Variants in ATP13A4 observed in about 807,000 individuals in gnomAD.
ATP13A4 encodes the protein probable cation-transporting ATPase 13A4.
A neutral mutation model predicts 142.5 loss-of-function variants in ATP13A4; 114 were observed. The observed-to-expected ratio is 0.80, with a 90% CI of 0.69 to 0.93. The LOEUF is 0.93. Ranked by LOEUF, ATP13A4 falls within the 40% of genes least tolerant of loss-of-function variation. The pLI is 0.00. For synonymous variants in ATP13A4, 488 were observed against 514.8 expected (o/e 0.95, Z 0.70); for missense variants, 1,392 against 1,454.0 (o/e 0.96, Z 0.69).
chr3:193,467,505 T>G lies in ATP13A4; in HGVS notation c.944-19A>C, dbSNP rs759252917. 6.2e-7 allele frequency: 1 copy of G among 1,611,592 alleles called. No homozygotes were observed. The highest frequency in any genetic ancestry group is 1.3e-5 in the African/African-American group (1 of 74,960). ...CTTTCTCCTACAGAAAACAAGCATC[T>G]TGTTTTGTGAGGCAGGATGGCTTCC... On this transcript the variant is annotated intron_variant, in intron 9 of 29. Coordinates refer to ENST00000342695, the MANE Select transcript of ATP13A4 (RefSeq NM_032279.4).
intron 7 of ATP13A4, among the ~76,000 whole-genome samples, chr3:193,488,273 A>G (rs912073724): frequency 2.6e-5 from 4 of 152,218 alleles, no homozygotes; most frequent in Non-Finnish European, 5.9e-5. Flanking sequence ...TCAAAAATAA[A>G]TAAATAAATA....
chr3:193,572,332 T>C (rs7650397), intron 2 of ATP13A4, among the ~76,000 whole-genome samples: 61,694 of 152,062 alleles, frequency 0.41, 13,981 homozygotes, highest in African/African-American at 0.62. Flanking sequence ...TCTAAAACTA[T>C]TGTAATATAA....
At chr3:193,496,546 T>C (rs914306345) in intron 3 of ATP13A4, among the ~76,000 whole-genome samples, 4 of 152,126 alleles carry the variant, frequency 2.6e-5, no homozygotes, top group African/African-American at 9.7e-5. Flanking sequence ...ATCCCAGCAC[T>C]TTGGGACACT....
intron 1 of ATP13A4, among the ~76,000 whole-genome samples, chr3:193,582,659 T>A (rs1344431594): frequency 3.1e-3 from 116 of 37,460 alleles, no homozygotes; most frequent in African/African-American, 3.9e-3. Flanking sequence ...TTACATACAT[T>A]ATATATGTAT....
At chr3:193,499,063 T>C (rs1337088717) in intron 3 of ATP13A4, among the ~76,000 whole-genome samples, 4 of 152,252 alleles carry the variant, frequency 2.6e-5, no homozygotes, top group African/African-American at 7.2e-5. Context: ...TAGGTGTATG[T>C]ACAGGTACAC....
chr3:193,576,221 C>T (rs1724388903), intron 2 of ATP13A4, among the ~76,000 whole-genome samples: 1 of 144,916 alleles, frequency 6.9e-6, no homozygotes, highest in Non-Finnish European at 1.5e-5. Context: ...AGACTTTCCA[C>T]GATCCATGGA....
At chr3:193,588,579 ACTTTCTCAACAGCCCC>A (rs1187160933) in intron 1 of ATP13A4, among the ~76,000 whole-genome samples, 2 of 152,002 alleles carry the variant, frequency 1.3e-5, no homozygotes, top group Non-Finnish European at 2.9e-5. Flanking sequence ...CTCACACTTG[ACTTTCTCAACAGCCCC>A]CTATCCAGTC....
At chr3:193,460,047 G>A (rs547313396) in intron 13 of ATP13A4, among the ~76,000 whole-genome samples, 4 of 152,148 alleles carry the variant, frequency 2.6e-5, no homozygotes, top group African/African-American at 4.8e-5. Context: ...ACGTTTGAAC[G>A]GTGGAAGCTT....
At chr3:193,549,098 A>G (rs1303075176) in intron 1 of ATP13A4, among the ~76,000 whole-genome samples, 1 of 152,198 alleles carries the variant, frequency 6.6e-6, no homozygotes, top group Non-Finnish European at 1.5e-5. Context: ...AATGGAGGAG[A>G]AAGCAAGTAT....
At chr3:193,414,513 T>C (rs749392100) in intron 26 of ATP13A4, 66 bp downstream of exon 26, 3 of 1,581,382 alleles carry the variant, frequency 1.9e-6, no homozygotes, top group African/African-American at 1.4e-5. Context: ...CCTCCCATCA[T>C]ATTGGCCAGA....
chr3:193,444,341 T>C (rs997014594), intron 18 of ATP13A4, among the ~76,000 whole-genome samples: 31 of 152,208 alleles, frequency 2.0e-4, no homozygotes, highest in Middle Eastern at 3.2e-3. Context: ...TCTAAAAATA[T>C]TCTTCATGAA....
chr3:193,499,529 C>A (rs753098977), intron 3 of ATP13A4, among the ~76,000 whole-genome samples: 6 of 152,156 alleles, frequency 3.9e-5, no homozygotes, highest in African/African-American at 1.4e-4. Flanking sequence ...TCACTTTGCG[C>A]CTGAAGTTCA....
chr3:193,572,141 G>A (rs1370546135), intron 2 of ATP13A4, among the ~76,000 whole-genome samples: 2 of 152,080 alleles, frequency 1.3e-5, no homozygotes, highest in Non-Finnish European at 2.9e-5. Flanking sequence ...CCAGCTACTC[G>A]GGAGGCTAAA....
intron 8 of ATP13A4, among the ~76,000 whole-genome samples, chr3:193,483,550 C>T (rs1196719326): frequency 1.3e-5 from 2 of 152,194 alleles, no homozygotes; most frequent in Admixed American, 6.5e-5. Context: ...CTGCAAGCTC[C>T]GCCTCCCGGG....
intron 8 of ATP13A4, among the ~76,000 whole-genome samples, chr3:193,472,253 C>T (rs1718670922): frequency 6.6e-6 from 1 of 152,182 alleles, no homozygotes; most frequent in Non-Finnish European, 1.5e-5. Flanking sequence ...AACTGTGCAC[C>T]ATTCTGAGTA....
In ATP13A4 at chr3:193,440,997, A is replaced by ATC. The variant is rs202142154; in HGVS notation, c.2440-362_2440-361dup. Reference sequence around the variant, plus strand: ...GTTGATCTATATATCTAAACTATCGATCTATCTCTCTCTCTCTCTCTATAT... The same window carrying ATC: ...GTTGATCTATATATCTAAACTATCGATCTCTATCTCTCTCTCTCTCTCTATAT... On this transcript the variant is annotated intron_variant, in intron 20 of 29. Coordinates refer to ENST00000342695, the MANE Select transcript of ATP13A4 (RefSeq NM_032279.4). 5.0e-3 allele frequency among the ~76,000 whole-genome samples: 748 copies of ATC among 148,960 alleles called. 4 individuals are homozygous for ATC. Among genetic ancestry groups the ATC allele is most frequent in the Middle Eastern group, 0.024 (7 of 290 alleles).
chr3:193,588,205 A>G (rs942847580), intron 1 of ATP13A4, among the ~76,000 whole-genome samples: 7 of 152,192 alleles, frequency 4.6e-5, no homozygotes, highest in Non-Finnish European at 8.8e-5. Flanking sequence ...AAGTTCTTGC[A>G]CAGTTTCACA....
chr3:193,563,753 T>G (rs1330753609), intron 2 of ATP13A4, among the ~76,000 whole-genome samples: 2 of 152,262 alleles, frequency 1.3e-5, no homozygotes, highest in Non-Finnish European at 2.9e-5. Context: ...ATAGACTATT[T>G]CTTGTTAGGA....
intron 1 of ATP13A4, chr3:193,554,534 T>C: frequency 1.6e-6 from 1 of 640,788 alleles, no homozygotes; most frequent in Admixed American, 2.6e-5. Flanking sequence ...ATTTTCATTC[T>C]AGCAAATTTC....
Sources: gnomAD v4.1 joint callset for allele counts (sites outside exome capture counted in the v4.1 genomes callset) on GRCh38, gnomAD v4.1.1 for gene constraint, MANE v1.5 for transcripts, NCBI Gene and HGNC (gene_info 2026-07-23, HGNC 2026-07-21) for gene names.